ADK: variants seen among roughly 807,000 people sequenced by gnomAD.
The protein encoded by ADK is adenosine kinase.
In ADK, 24 loss-of-function variants were observed where a neutral mutation model predicts 44.7. The observed-to-expected ratio is 0.54, with a 90% CI of 0.39 to 0.76. The LOEUF (loss-of-function observed/expected upper bound fraction) is 0.76. ADK is among the 30% of genes least tolerant of loss of function. The probability of loss-of-function intolerance (pLI) is 0.00; values close to 1 mark genes in which losing one functional copy is unlikely to be tolerated. For synonymous variants in ADK, 128 were observed against 142.6 expected (o/e 0.90, Z 0.73); for missense variants, 321 against 425.1 (o/e 0.76, Z 2.15).
intron 3 of ADK, among the ~76,000 whole-genome samples, chr10:74,296,610 T>C (rs1362456690): frequency 1.3e-5 from 2 of 151,768 alleles, no homozygotes; most frequent in Admixed American, 6.6e-5. Flanking sequence ...GTATTCTTTT[T>C]TTTTTTTTTC....
chr10:74,495,688 G>T (rs965643491), intron 6 of ADK, among the ~76,000 whole-genome samples: 2 of 152,154 alleles, frequency 1.3e-5, no homozygotes, highest in African/African-American at 4.8e-5. Context: ...TCCTGAGTCT[G>T]AAGCCTTTCC....
chr10:74,387,945 T>C (rs1843200125), intron 4 of ADK, among the ~76,000 whole-genome samples: 4 of 152,176 alleles, frequency 2.6e-5, no homozygotes, highest in African/African-American at 7.2e-5. Context: ...TCCACTCTTA[T>C]TGCCCAGGCT....
At chr10:74,546,742 T>C (rs1035911992) in intron 7 of ADK, among the ~76,000 whole-genome samples, 11 of 152,086 alleles carry the variant, frequency 7.2e-5, no homozygotes, top group African/African-American at 2.2e-4. Flanking sequence ...TTGAGAAGAG[T>C]GTTTTATATA....
intron 9 of ADK, among the ~76,000 whole-genome samples, chr10:74,604,575 A>G (rs1226991720): frequency 6.6e-6 from 1 of 151,906 alleles, no homozygotes; most frequent in Non-Finnish European, 1.5e-5. Flanking sequence ...GATGTGTGGC[A>G]TTATTTCTGA....
intron 7 of ADK, among the ~76,000 whole-genome samples, chr10:74,546,535 A>G (rs553992480): frequency 2.0e-5 from 3 of 152,196 alleles, no homozygotes; most frequent in East Asian, 3.8e-4. Context: ...TTATTTCTGT[A>G]TATAATAGGT....
At chr10:74,282,371 G>A (rs751028607) in intron 3 of ADK, among the ~76,000 whole-genome samples, 7 of 152,156 alleles carry the variant, frequency 4.6e-5, no homozygotes, top group Non-Finnish European at 1.0e-4. Context: ...AATCAAAACC[G>A]CTTTGTTCCT....
At chr10:74,487,215 A>G (rs1412925351) in intron 6 of ADK, among the ~76,000 whole-genome samples, 5 of 152,114 alleles carry the variant, frequency 3.3e-5, no homozygotes, top group Non-Finnish European at 7.4e-5. Flanking sequence ...TAACCCTATT[A>G]TCATTAACCT....
chr10:74,165,857 A>C (rs534138677), intron 1 of ADK, among the ~76,000 whole-genome samples: 1 of 152,288 alleles, frequency 6.6e-6, no homozygotes, highest in African/African-American at 2.4e-5. Context: ...TATCCCCCCC[A>C]AAATAATTAT....
chr10:74,581,206 G>T (rs1851363240), intron 7 of ADK, among the ~76,000 whole-genome samples: 6 of 152,096 alleles, frequency 3.9e-5, no homozygotes, highest in Admixed American at 3.9e-4. Flanking sequence ...TGTATTTCAA[G>T]AAGGTAAATA....
intron 9 of ADK, among the ~76,000 whole-genome samples, chr10:74,664,567 GC>G (rs1262636496): frequency 1.3e-5 from 2 of 152,172 alleles, no homozygotes; most frequent in East Asian, 3.9e-4. Context: ...ATGTGGCCAG[GC>G]ATGGTGCCTC....
At chr10:74,299,103 T>C (rs1005739634) in intron 3 of ADK, among the ~76,000 whole-genome samples, 1 of 152,194 alleles carries the variant, frequency 6.6e-6, no homozygotes, top group African/African-American at 2.4e-5. Context: ...ATGAAACATC[T>C]GCAGACGTGA....
At chr10:74,407,082 A>T (rs1469188457) in intron 6 of ADK, among the ~76,000 whole-genome samples, 1 of 150,946 alleles carries the variant, frequency 6.6e-6, no homozygotes, top group Non-Finnish European at 1.5e-5. Context: ...TCAGCCTCCC[A>T]AGTAACTGGA....
chr10:74,210,763 A>G (rs760029916), intron 2 of ADK, among the ~76,000 whole-genome samples: 11 of 151,252 alleles, frequency 7.3e-5, no homozygotes, highest in Non-Finnish European at 1.3e-4. Flanking sequence ...AAATGGGTGT[A>G]TGTTAGCTTT....
At chr10:74,502,092 A>T (rs1847903803) in intron 6 of ADK, among the ~76,000 whole-genome samples, 1 of 152,104 alleles carries the variant, frequency 6.6e-6, no homozygotes, top group South Asian at 2.1e-4. Flanking sequence ...CAAATGAAAA[A>T]ACTAAAACTC....
intron 4 of ADK, among the ~76,000 whole-genome samples, chr10:74,388,851 C>T (rs1320576307): frequency 2.0e-5 from 3 of 152,180 alleles, no homozygotes; most frequent in Non-Finnish European, 2.9e-5. Context: ...TCATTCTTCT[C>T]TGAAAATCTT....
intron 1 of ADK, among the ~76,000 whole-genome samples, chr10:74,176,151 A>G (rs1014903006): frequency 6.6e-6 from 1 of 152,218 alleles, no homozygotes; most frequent in Non-Finnish European, 1.5e-5. Context: ...ATTCGGATAC[A>G]TAAAGTGACA....
chr10:74,522,567 C>G (rs2133603486), intron 6 of ADK, among the ~76,000 whole-genome samples: 1 of 152,272 alleles, frequency 6.6e-6, no homozygotes, highest in South Asian at 2.1e-4. Flanking sequence ...CACATGGCTC[C>G]TGCCACTAAA....
Position 74,578,147 on chromosome 10 carries a change from G to A in ADK, c.727-11135G>A, listed in dbSNP as rs538460915. ...TGGTTCACATTTGAACAAAGTGGAA[G>A]GAATTATTAGAAAAGCACTTAACAA... On this transcript the variant is annotated intron_variant, in intron 7 of 10. Coordinates refer to ENST00000539909, the MANE Select transcript of ADK (RefSeq NM_006721.4). Among the ~76,000 whole-genome samples, 6 of 152,154 alleles carry A rather than the reference G, an allele frequency of 3.9e-5. No individual in the cohort carries two copies. The East Asian group carries it at 1.2e-3, about 29-fold the overall frequency.
At chr10:74,395,018 C>A (rs1592147129) in intron 5 of ADK, among the ~76,000 whole-genome samples, 1 of 152,138 alleles carries the variant, frequency 6.6e-6, no homozygotes, top group Non-Finnish European at 1.5e-5. Flanking sequence ...GCACTGCTAA[C>A]GTTATTACCA....
Sources: allele counts gnomAD v4.1 joint callset (sites outside exome capture counted in the v4.1 genomes callset), GRCh38; gene constraint gnomAD v4.1.1; transcripts MANE v1.5; gene names NCBI Gene and HGNC (gene_info 2026-07-23, HGNC 2026-07-21).